SYT10: variants seen among roughly 807,000 people sequenced by gnomAD.
The protein encoded by SYT10 is synaptotagmin 10.
A neutral mutation model predicts 51.1 loss-of-function variants in SYT10; 31 were observed. The observed-to-expected ratio is 0.61, with a 90% CI of 0.46 to 0.82. SYT10 has a LOEUF of 0.82. Ranked by LOEUF, SYT10 falls within the 40% of genes least tolerant of loss-of-function variation. The pLI is 0.00. For synonymous variants in SYT10, 233 were observed against 225.9 expected (o/e 1.03, Z -0.28); for missense variants, 603 against 634.0 (o/e 0.95, Z 0.53).
intron 4 of SYT10, among the ~76,000 whole-genome samples, chr12:33,384,807 A>C (rs1299432289): frequency 6.6e-6 from 1 of 152,182 alleles, no homozygotes; most frequent in Non-Finnish European, 1.5e-5. Flanking sequence ...ATTCAGACTA[A>C]ACATATCTTC....
chr12:33,375,290 CA>C lies in SYT10; in HGVS notation c.*1539del, dbSNP rs1268320410. 6.6e-6 allele frequency: 1 copy of C among 151,832 alleles called. No individual in the cohort carries two copies. The highest frequency in any genetic ancestry group is 1.5e-5 in the Non-Finnish European group (1 of 67,890). The allele number at this position is 151,832 out of a possible 1,614,324, so 9.4% of individuals were successfully genotyped here. A position where few individuals can be genotyped will look rare whatever the true frequency, so the allele number is the denominator to read the frequency against. ...ATGCCATCACTATAAGAGATGTCAA[CA>C]AAATTTCAAGGCTTTTAAAACTTTT... On this transcript the variant is annotated 3_prime_UTR_variant, in exon 7 of 7. Transcript: ENST00000228567.
intron 5 of SYT10, among the ~76,000 whole-genome samples, chr12:33,381,621 C>T (rs995615074): frequency 1.3e-5 from 2 of 151,944 alleles, no homozygotes; most frequent in Non-Finnish European, 2.9e-5. Context: ...CTGACATAAG[C>T]CAGGCTGTGG....
intron 2 of SYT10, among the ~76,000 whole-genome samples, chr12:33,412,198 T>C (rs1866412522): frequency 6.6e-6 from 1 of 151,042 alleles, no homozygotes; most frequent in South Asian, 2.1e-4. Flanking sequence ...AATTTCTTCT[T>C]TATGACTCTG....
intron 2 of SYT10, among the ~76,000 whole-genome samples, chr12:33,412,597 C>G (rs1866416249): frequency 6.6e-6 from 1 of 151,960 alleles, no homozygotes; most frequent in African/African-American, 2.4e-5. Context: ...ACCGCAATTA[C>G]TTTTGCACCA....
At chr12:33,414,535 G>C (rs11052688) in intron 2 of SYT10, among the ~76,000 whole-genome samples, 93,265 of 151,980 alleles carry the variant, frequency 0.61, 29,799 homozygotes, top group East Asian at 0.89. Context: ...TCACTCAAAA[G>C]CACTCAACTA....
At position 33,426,128 on chromosome 12, in the gene SYT10, C is replaced by A; in HGVS notation, c.509+10G>T. ...CACACACCAGTTTTATATATTTAAT[C>A]TTTCCTTACCGGGTTGATGACGTAG... On this transcript the variant is annotated intron_variant, in intron 2 of 6. Transcript: ENST00000228567. 6.3e-7 allele frequency: 1 copy of A among 1,577,760 alleles called. No homozygotes were observed. Among genetic ancestry groups the A allele is most frequent in the South Asian group, 1.2e-5 (1 of 83,904 alleles).
chr12:33,391,604 T>G (rs1866207639), intron 3 of SYT10, among the ~76,000 whole-genome samples: 1 of 152,180 alleles, frequency 6.6e-6, no homozygotes, highest in South Asian at 2.1e-4. Context: ...TGACTGTCTC[T>G]GCAGTCAGGA....
rs1285347318 is a variant in SYT10 at position 33,406,989 on chromosome 12, T to C, written c.877A>G (p.Asn293Asp). 3 of 1,614,028 alleles carry C rather than the reference T, an allele frequency of 1.9e-6. No individual in the cohort carries two copies. Among genetic ancestry groups the C allele is most frequent in the Admixed American group, 1.7e-5 (1 of 59,992 alleles). ...FQTRVHRKTL[N>D]PLFDETFQFP... ...TGAAAAGTTTCATCAAATAGAGGAT[T>C]TAAAGTCTTTCTGTGCACGCGGGTC... The change falls in exon 3 of 7, where the codon AAT becomes GAT. Residue 293 changes from asparagine to aspartate, a missense_variant. By Grantham distance (23) the Asn-to-Asp change is conservative. Transcript: ENST00000228567.
At chr12:33,433,888 C>A (rs1444904889) in intron 1 of SYT10, among the ~76,000 whole-genome samples, 1 of 152,154 alleles carries the variant, frequency 6.6e-6, no homozygotes, top group Admixed American at 6.5e-5. Context: ...CTTTGTTAAA[C>A]CTAGGCTAAA....
At chr12:33,378,086 GGTCCCTA>G (rs1866081428) in intron 6 of SYT10, among the ~76,000 whole-genome samples, 1 of 152,066 alleles carries the variant, frequency 6.6e-6, no homozygotes, top group Admixed American at 6.6e-5. Flanking sequence ...CTAGTTCTTA[GGTCCCTA>G]GTCCGTATAT....
intron 1 of SYT10, among the ~76,000 whole-genome samples, chr12:33,438,372 G>A (rs533488633): frequency 4.2e-4 from 64 of 152,282 alleles, no homozygotes; most frequent in African/African-American, 1.4e-3. Flanking sequence ...AGTGCAACAA[G>A]TGACCCTCTC....
rs926426666 is a variant in SYT10, at chr12:33,375,348, A to G, written c.*1482T>C. Reference sequence around the variant, plus strand: ...TATTTAGAAATAATGGGATTTTACAAAAATAAAAATTTCATAACCGCTGAT... The same window carrying G: ...TATTTAGAAATAATGGGATTTTACAGAAATAAAAATTTCATAACCGCTGAT... On this transcript the variant is annotated 3_prime_UTR_variant, in exon 7 of 7. Coordinates refer to ENST00000228567, the MANE Select transcript of SYT10 (RefSeq NM_198992.4). The G allele has an allele frequency of 2.0e-5, 3 of 152,132 alleles. No individual in the cohort carries two copies. Among genetic ancestry groups the G allele is most frequent in the African/African-American group, 4.8e-5 (2 of 41,456 alleles). The allele number at this position is 152,132 out of a possible 1,614,324, so 9.4% of individuals were successfully genotyped here. A position where few individuals can be genotyped will look rare whatever the true frequency, so the allele number is the denominator to read the frequency against.
At chr12:33,391,868 C>G (rs1351020428) in intron 3 of SYT10, among the ~76,000 whole-genome samples, 1 of 152,188 alleles carries the variant, frequency 6.6e-6, no homozygotes, top group Non-Finnish European at 1.5e-5. Context: ...CAGGTCATGA[C>G]TTCCGTTAGT....
intron 3 of SYT10, among the ~76,000 whole-genome samples, chr12:33,396,584 A>AT (rs1411703036): frequency 1.3e-5 from 2 of 151,994 alleles, no homozygotes; most frequent in Non-Finnish European, 2.9e-5. Flanking sequence ...ACAGAGAGTT[A>AT]TTTTTTCCAG....
rs146658272 is a variant in SYT10 at position 33,425,145 on chromosome 12, C to A, written c.509+993G>T. Reference sequence around the variant, plus strand: ...TTTCAATTTGATAGATTTCTAAACCCTTAAAAGTATTACCATGTTGGAAAA... The same window carrying A: ...TTTCAATTTGATAGATTTCTAAACCATTAAAAGTATTACCATGTTGGAAAA... On this transcript the variant is annotated intron_variant, in intron 2 of 6. Coordinates refer to ENST00000228567, the MANE Select transcript of SYT10 (RefSeq NM_198992.4). 3.3e-5 allele frequency among the ~76,000 whole-genome samples: 5 copies of A among 152,122 alleles called. No individual in the cohort carries two copies. The East Asian group carries it at 9.7e-4, about 29-fold the overall frequency.
chr12:33,439,129 C>T (rs1163802059), intron 1 of SYT10, among the ~76,000 whole-genome samples: 2 of 152,160 alleles, frequency 1.3e-5, no homozygotes, highest in Non-Finnish European at 2.9e-5. Flanking sequence ...GAGACGGCGC[C>T]GGGAGGCGGG....
Position 33,382,488 on chromosome 12 carries a change from C to T in SYT10, c.1231G>A (p.Gly411Ser), listed in dbSNP as rs779037268. 5.0e-6 allele frequency: 8 copies of T among 1,612,362 alleles called. No homozygotes were observed. The highest frequency in any genetic ancestry group is 5.1e-6 in the Non-Finnish European group (6 of 1,179,152). ...GTTTTCCTCTTTTTTAATCTTCGAC[C>T]TTCACACATCAGGGACACTTTGACA... ...PYVKVSLMCE[G>S]RRLKKRKTTT... The change falls in exon 5 of 7, where the codon GGT (glycine) becomes AGT (serine). Residue 411 changes from glycine (G) to serine (S), a missense_variant. By Grantham distance (56) the Gly-to-Ser change is moderately conservative. Transcript: ENST00000228567.
At chr12:33,403,719 T>G (rs1294513338) in intron 3 of SYT10, among the ~76,000 whole-genome samples, 3 of 152,172 alleles carry the variant, frequency 2.0e-5, no homozygotes, top group Non-Finnish European at 4.4e-5. Flanking sequence ...AATTTCTGCA[T>G]GAAATTCTTA....
At chr12:33,382,621 C>T in intron 4 of SYT10, 101 bp from the exon 5 acceptor site, 1 of 1,080,972 alleles carries the variant, frequency 9.3e-7, no homozygotes, top group South Asian at 2.2e-5. Flanking sequence ...AGTACTAAGG[C>T]CTATATTAAG....
Sources: gnomAD v4.1 joint callset for allele counts (sites outside exome capture counted in the v4.1 genomes callset) on GRCh38, gnomAD v4.1.1 for gene constraint, MANE v1.5 for transcripts, NCBI Gene and HGNC (gene_info 2026-07-23, HGNC 2026-07-21) for gene names.